The following TTLL8 variants were observed in gnomAD, a reference collection of about 807,000 sequenced individuals.
TTLL8 encodes tubulin tyrosine ligase like 8, also known as protein monoglycylase TTLL8.
In TTLL8, 65 loss-of-function variants were observed where a neutral mutation model predicts 77.8. The observed-to-expected ratio is 0.84, with a 90% CI of 0.68 to 1.03. The LOEUF is 1.03. Among genes scored for constraint, TTLL8 ranks in the 50% least tolerant of loss-of-function variants. The probability of loss-of-function intolerance (pLI) is 0.00; values close to 1 mark genes in which losing one functional copy is unlikely to be tolerated. For missense variants in TTLL8, 910 were observed against 1,004.5 expected (o/e 0.91, Z 1.27); for synonymous variants, 402 against 422.8 (o/e 0.95, Z 0.60).
intron 10 of TTLL8, among the ~76,000 whole-genome samples, chr22:50,032,886 G>A (rs1446292319): frequency 3.9e-5 from 6 of 152,200 alleles, no homozygotes; most frequent in African/African-American, 1.4e-4. Flanking sequence ...CGCCTCCCCT[G>A]CGCCAGGGCC....
chr22:50,029,737 A>G lies in TTLL8; in HGVS notation c.2203+693T>C, dbSNP rs1195142825. On this transcript the variant is annotated intron_variant, in intron 12 of 13. Coordinates refer to ENST00000266182, the Ensembl canonical transcript of TTLL8. ...CAGAGCAAGACTCTGTCTCAAAAAA[A>G]CAAAAAAAACAAGACCCTCTCGTCA... Among the ~76,000 whole-genome samples the G allele has an allele frequency of 3.3e-5, 5 of 152,114 alleles. No individual in the cohort carries two copies. In the East Asian group the frequency reaches 9.8e-4, roughly 30 times the overall value.
At chr22:50,036,003 G>A (rs1174017600) in intron 8 of TTLL8, among the ~76,000 whole-genome samples, 2 of 152,232 alleles carry the variant, frequency 1.3e-5, no homozygotes, top group African/African-American at 2.4e-5. Context: ...GAGCCCAGCG[G>A]AGCACCGCGC....
chr22:50,034,402 G>C lies in TTLL8; in HGVS notation c.982C>G (p.Arg328Gly), dbSNP rs201587785. The change falls in exon 9 of 14, where the codon CGG becomes GGG. Residue 328 changes from arginine (R) to glycine (G), a missense_variant. By Grantham distance (125) the Arg-to-Gly change is moderately radical. This residue lies in a region of TTLL8 where 776 missense variants were observed against 926.1 expected (regional missense o/e 0.84). Transcript: ENST00000266182. This position sits in a 1 kb window ranked among gnomAD's most constrained non-coding sequence, Gnocchi z 4.1. Reference sequence around the variant, plus strand: ...GCGGGCTTTATAATCCAGATGTTCCGGAGCCCGTCAATGTCCGTCTGAGGG... The same window carrying C: ...GCGGGCTTTATAATCCAGATGTTCCCGAGCCCGTCAATGTCCGTCTGAGGG... 2 of 1,367,308 alleles carry C rather than the reference G, an allele frequency of 1.5e-6. No individual in the cohort carries two copies. The highest frequency in any genetic ancestry group is 2.0e-6 in the Non-Finnish European group (2 of 1,021,830). 84.7% of individuals were successfully genotyped at this position (1,367,308 alleles called of 1,614,324 possible).
intron 3 of TTLL8, among the ~76,000 whole-genome samples, chr22:50,048,714 G>A (rs2061427148): frequency 6.6e-6 from 1 of 152,202 alleles, no homozygotes; most frequent in South Asian, 2.1e-4. Flanking sequence ...ACTGATTTGT[G>A]AGTTCTTCAT....
At chr22:50,033,254 C>T (rs370489340) in exon 10 of TTLL8, 4 of 1,359,380 alleles carry the variant, frequency 2.9e-6, no homozygotes, top group Admixed American at 1.9e-5. Flanking sequence ...AAGTAACTCT[C>T]CTTGTAGAAC....
chr22:50,058,063 G>A (rs1002137965), upstream of TTLL8, among the ~76,000 whole-genome samples: 1 of 149,880 alleles, frequency 6.7e-6, no homozygotes, highest in African/African-American at 2.4e-5. This position sits in a 1 kb window ranked among gnomAD's most constrained non-coding sequence, Gnocchi z 4.2. Context: ...AGGCGGGTCT[G>A]GGGTTCCGAA....
chr22:50,032,463 G>A (rs1364113191), intron 10 of TTLL8, among the ~76,000 whole-genome samples: 1 of 152,252 alleles, frequency 6.6e-6, no homozygotes, highest in Non-Finnish European at 1.5e-5. Flanking sequence ...GTGAGCAGGT[G>A]AGGGTCGTAG....
chr22:50,025,395 G>A (rs1017275543), intron 12 of TTLL8, among the ~76,000 whole-genome samples: 5 of 152,024 alleles, frequency 3.3e-5, no homozygotes, highest in African/African-American at 7.3e-5. Flanking sequence ...GGCCGGGCGC[G>A]GGGGCTCAGG....
chr22:50,045,787 C>T (rs2061406603), intron 5 of TTLL8, 69 bp downstream of exon 7: 1 of 1,277,752 alleles, frequency 7.8e-7, no homozygotes, highest in Non-Finnish European at 1.0e-6. Flanking sequence ...TCTGTCTCAG[C>T]ACCAGGGGGA....
exon 4 of TTLL8, chr22:50,047,225 G>T: frequency 7.3e-7 from 1 of 1,367,688 alleles, no homozygotes; most frequent in Non-Finnish European, 9.8e-7. Flanking sequence ...CGTAGGTCAG[G>T]CTGTGATAGT....
At chr22:50,039,753 C>T (rs539923501) in intron 8 of TTLL8, among the ~76,000 whole-genome samples, 8 of 149,620 alleles carry the variant, frequency 5.3e-5, no homozygotes, top group Admixed American at 1.3e-4. Flanking sequence ...TCAGTGTGGA[C>T]GGACCTCATG....
At chr22:50,056,662 G>C (rs1157356864), upstream of TTLL8, 7 of 714,634 alleles carry the variant, frequency 9.8e-6, no homozygotes, top group East Asian at 1.3e-4. This position sits in a 1 kb window ranked among gnomAD's most constrained non-coding sequence, Gnocchi z 4.1. Flanking sequence ...GTGGGATCGG[G>C]GTACAGGAGG....
intron 8 of TTLL8, among the ~76,000 whole-genome samples, chr22:50,037,651 A>G (rs2061346007): frequency 6.6e-6 from 1 of 152,200 alleles, no homozygotes; most frequent in Non-Finnish European, 1.5e-5. Flanking sequence ...CCTTTCCCTA[A>G]TGAATTGCAG....
At chr22:50,052,716 T>C (rs1393882734) in intron 1 of TTLL8, among the ~76,000 whole-genome samples, 2 of 152,234 alleles carry the variant, frequency 1.3e-5, no homozygotes, top group Non-Finnish European at 2.9e-5. Flanking sequence ...AAGATTCAAT[T>C]CACTAGAAAG....
At chr22:50,028,605 A>G (rs1601908826) in intron 12 of TTLL8, among the ~76,000 whole-genome samples, 1 of 118,236 alleles carries the variant, frequency 8.5e-6, no homozygotes, top group African/African-American at 3.2e-5. Flanking sequence ...AAAGACCCCC[A>G]TCACACCGTC....
At position 50,045,392 on chromosome 22, in the gene TTLL8, G is replaced by A; in HGVS notation, c.509-3C>T. The A allele has an allele frequency of 1.5e-6, 2 of 1,365,210 alleles. No homozygotes were observed. Among genetic ancestry groups the A allele is most frequent in the Non-Finnish European group, 2.0e-6 (2 of 1,021,806 alleles). 84.6% of individuals were successfully genotyped at this position (1,365,210 alleles called of 1,614,324 possible). Reference sequence around the variant, plus strand: ...TGCCATGGTGCGCCGGAAGTCTTCTGAAAGGACAGCACAGCCTCGCCCTAT... The same window carrying A: ...TGCCATGGTGCGCCGGAAGTCTTCTAAAAGGACAGCACAGCCTCGCCCTAT... On this transcript the variant is annotated splice_polypyrimidine_tract_variant and splice_region_variant and intron_variant, in intron 5 of 13. Coordinates refer to ENST00000266182, the Ensembl canonical transcript of TTLL8.
chr22:50,051,222 T>C (rs1032801011), intron 1 of TTLL8, among the ~76,000 whole-genome samples: 1 of 152,334 alleles, frequency 6.6e-6, no homozygotes, highest in Admixed American at 6.5e-5. Flanking sequence ...CTCCAAACTC[T>C]ATCTTATCAT....
upstream of TTLL8, among the ~76,000 whole-genome samples, chr22:50,054,970 G>T (rs1214773364): frequency 6.6e-6 from 1 of 152,182 alleles, no homozygotes; most frequent in Non-Finnish European, 1.5e-5. Flanking sequence ...TGAGGCACAA[G>T]AATTGCTTGA....
rs761506180 is a variant in TTLL8, at chr22:50,041,326, G to A, written c.831-49C>T. ...CAGTCATCAGGGTCCTGGTGGGACA[G>A]GCAACAGAGGGCCTGGGCACCCCGA... On this transcript the variant is annotated intron_variant, in intron 7 of 13. Transcript: ENST00000266182. The surrounding 1 kb of genome is among the most constrained non-coding windows in gnomAD (Gnocchi z 4.3). 1.2e-5 allele frequency: 6 copies of A among 520,082 alleles called. No individual in the cohort carries two copies. The highest frequency in any genetic ancestry group is 9.8e-5 in the Admixed American group (4 of 40,612). The allele number at this position is 520,082 out of a possible 1,614,324, so 32.2% of individuals were successfully genotyped here. A position where few individuals can be genotyped will look rare whatever the true frequency, so the allele number is the denominator to read the frequency against.
Sources: allele counts gnomAD v4.1 joint callset (sites outside exome capture counted in the v4.1 genomes callset), GRCh38; gene constraint gnomAD v4.1.1; regional missense constraint gnomAD v4.1.1; non-coding constraint Gnocchi (gnomAD v3.1); transcripts MANE v1.5; gene names NCBI Gene and HGNC (gene_info 2026-07-23, HGNC 2026-07-21).